The following SLC25A43 variants were observed in gnomAD, a reference collection of about 807,000 sequenced individuals.
SLC25A43 encodes the protein solute carrier family 25 member 43.
In SLC25A43, 10 loss-of-function variants were observed where a neutral mutation model predicts 22.8. The ratio of observed to expected loss-of-function variants is 0.44; its 90% CI spans 0.27 to 0.74. SLC25A43 has a LOEUF of 0.74. Ranked by LOEUF, SLC25A43 falls within the 30% of genes least tolerant of loss-of-function variation. SLC25A43 has a pLI of 0.17. For synonymous variants in SLC25A43, 106 were observed against 121.6 expected, an observed-to-expected ratio of 0.87 and a Z score of 0.84; for missense variants, 233 against 279.1, an observed-to-expected ratio of 0.83 and a Z score of 1.18.
chrX:119,405,217 G>A (rs968576993), intron 1 of SLC25A43, among the ~76,000 whole-genome samples: 2 of 112,006 alleles, frequency 1.8e-5, no homozygotes, highest in African/African-American at 6.5e-5. Flanking sequence ...TCAAATGACT[G>A]TTTCAGTTAA....
In SLC25A43 at chrX:119,410,845, C is replaced by T. The variant is rs184208553; in HGVS notation, c.690+483C>T. ...CAGAGGTTGCAGTGAGCTGAGATCG[C>T]GCCATTGCACTCCAGCCTGGGTGAC... On this transcript the variant is annotated intron_variant, in intron 3 of 4. Coordinates refer to ENST00000217909, the MANE Select transcript of SLC25A43 (RefSeq NM_145305.3). Among the ~76,000 whole-genome samples the T allele has an allele frequency of 6.3e-3, 695 of 109,750 alleles. 4 individuals carry two copies. The highest frequency in any genetic ancestry group is 0.012 in the Non-Finnish European group (607 of 52,629).
At chrX:119,405,618 AAAAT>A (rs2052288309) in intron 1 of SLC25A43, among the ~76,000 whole-genome samples, 1 of 101,085 alleles carries the variant, frequency 9.9e-6, no homozygotes, top group Non-Finnish European at 2.0e-5. Context: ...AAAAAAAAAA[AAAAT>A]AGCCAGGCAT....
rs140156521 is a variant in SLC25A43 at position 119,410,275 on chromosome X, C to G, written c.603C>G (p.Leu201=). The G allele has an allele frequency of 8.3e-7, 1 of 1,210,085 alleles. No individual in the cohort carries two copies. Residue 201 remains leucine, a synonymous_variant, in exon 3 of 5, where the codon CTC becomes CTG. Coordinates refer to ENST00000217909, the MANE Select transcript of SLC25A43 (RefSeq NM_145305.3). ...ACGGACCCCGAGATCAGTTCTCTCTCCCACAGAACTTTGCTAATGTCTGTC... is the reference window on the plus strand; with the variant it reads ...ACGGACCCCGAGATCAGTTCTCTCTGCCACAGAACTTTGCTAATGTCTGTC... ...IWNGPRDQFS[L]PQNFANVCLA...
At chrX:119,435,457 CTTTT>C (rs1175233726) in intron 3 of SLC25A43, among the ~76,000 whole-genome samples, 364 of 54,694 alleles carry the variant, frequency 6.7e-3, no homozygotes, top group African/African-American at 0.022. Context: ...AGATTTTATT[CTTTT>C]TTTTTTTTTT....
chrX:119,420,236 C>G (rs1270124729), intron 3 of SLC25A43, among the ~76,000 whole-genome samples: 2 of 110,544 alleles, frequency 1.8e-5, no homozygotes, highest in Non-Finnish European at 3.8e-5. Flanking sequence ...TCCAGCCCAG[C>G]CCATATGGGA....
chrX:119,405,595 CAAAAAAAAAAAAAA>C (rs56389948), intron 1 of SLC25A43, among the ~76,000 whole-genome samples: 9,827 of 51,195 alleles, frequency 0.19, 449 homozygotes, highest in Middle Eastern at 0.4. Flanking sequence ...CCTATCTCTA[CAAAAAAAAAAAAAA>C]AAAAAAAAAA....
At chrX:119,446,578 C>T (rs1261145516) in intron 3 of SLC25A43, among the ~76,000 whole-genome samples, 5 of 112,688 alleles carry the variant, frequency 4.4e-5, no homozygotes, top group Non-Finnish European at 5.6e-5. Flanking sequence ...GAACCATCTA[C>T]AATGTCTTGT....
At chrX:119,417,453 G>A (rs1325416863) in intron 3 of SLC25A43, among the ~76,000 whole-genome samples, 1 of 110,486 alleles carries the variant, frequency 9.1e-6, no homozygotes, top group East Asian at 2.8e-4. Flanking sequence ...AAAGAAAAAG[G>A]TTTCAGATGA....
intron 3 of SLC25A43, among the ~76,000 whole-genome samples, chrX:119,443,814 C>T (rs1375466360): frequency 3.6e-5 from 4 of 109,885 alleles, no homozygotes; most frequent in East Asian, 2.8e-4. Flanking sequence ...GGTGCAATCT[C>T]GGCTCACTGC....
At chrX:119,443,112 CTCTCTT>C (rs2052634390) in intron 3 of SLC25A43, among the ~76,000 whole-genome samples, 1 of 78,619 alleles carries the variant, frequency 1.3e-5, no homozygotes, top group African/African-American at 4.9e-5. Context: ...TTCCCATTCT[CTCTCTT>C]TTTTTTTTTT....
chrX:119,426,544 C>T (rs886400803), intron 3 of SLC25A43, among the ~76,000 whole-genome samples: 3 of 111,780 alleles, frequency 2.7e-5, no homozygotes, highest in East Asian at 2.8e-4. Context: ...AGTCCAAGGC[C>T]GGGCGCGGCG....
intron 3 of SLC25A43, among the ~76,000 whole-genome samples, chrX:119,434,322 A>G (rs778263725): frequency 9.1e-6 from 1 of 109,656 alleles, no homozygotes; most frequent in African/African-American, 3.3e-5. Context: ...TCAGATGTTC[A>G]GTAGACTTCT....
chrX:119,399,377 G>T lies in SLC25A43; in HGVS notation c.-27G>T. ...GGAGAGCCCCAGGCCCGAGCCACGCGGTCTTCCGGGCCCGGGTCGGGGCTC... is the reference window on the plus strand; with the variant it reads ...GGAGAGCCCCAGGCCCGAGCCACGCTGTCTTCCGGGCCCGGGTCGGGGCTC... On this transcript the variant is annotated 5_prime_UTR_variant, in exon 1 of 5. Transcript: ENST00000217909. 1 of 966,800 alleles carries T rather than the reference G, an allele frequency of 1.0e-6. No homozygotes were observed. The highest frequency in any genetic ancestry group is 1.3e-6 in the Non-Finnish European group (1 of 770,590). 79.7% of individuals were successfully genotyped at this position (966,800 alleles called of 1,213,427 possible). A position where few individuals can be genotyped will look rare whatever the true frequency, so the allele number is the denominator to read the frequency against.
chrX:119,399,744 C>A, intron 1 of SLC25A43, 66 bp downstream of exon 1: 3 of 962,334 alleles, frequency 3.1e-6, no homozygotes, highest in Non-Finnish European at 3.9e-6. Context: ...AGCCGCGGCC[C>A]GACGCCGCCC....
intron 3 of SLC25A43, among the ~76,000 whole-genome samples, chrX:119,442,636 C>T (rs1267925707): frequency 1.8e-5 from 2 of 111,747 alleles, no homozygotes; most frequent in African/African-American, 3.3e-5. Flanking sequence ...AGGTTGAGTC[C>T]GAACAATGCT....
chrX:119,451,845 C>G (rs978915549), intron 3 of SLC25A43, 164 bp from the exon 4 acceptor site: 4 of 1,106,970 alleles, frequency 3.6e-6, no homozygotes, highest in Admixed American at 6.6e-5. Flanking sequence ...AATATCTGTT[C>G]TAAGCCCACA....
At chrX:119,415,925 T>C (rs1317661732) in intron 3 of SLC25A43, among the ~76,000 whole-genome samples, 1 of 105,313 alleles carries the variant, frequency 9.5e-6, no homozygotes, top group Non-Finnish European at 1.9e-5. Context: ...GGAGGATCAC[T>C]TGAGCCCTGG....
intron 3 of SLC25A43, 74 bp downstream of exon 3, chrX:119,410,436 A>C: frequency 2.3e-5 from 25 of 1,066,263 alleles, no homozygotes; most frequent in Non-Finnish European, 3.2e-5. Flanking sequence ...ACAGCAAAGA[A>C]CACTGACCCC....
chrX:119,434,542 G>A (rs1399753925), intron 3 of SLC25A43: 1 of 108,284 alleles, frequency 9.2e-6, no homozygotes, highest in Non-Finnish European at 1.9e-5. Context: ...GTGCATGCCT[G>A]TGGTCCCAGC....
Sources: allele counts gnomAD v4.1 joint callset (sites outside exome capture counted in the v4.1 genomes callset), GRCh38; gene constraint gnomAD v4.1.1; transcripts MANE v1.5; gene names NCBI Gene and HGNC (gene_info 2026-07-23, HGNC 2026-07-21).